SRGAP3: variants seen among roughly 807,000 people sequenced by gnomAD.
SRGAP3 encodes SLIT-ROBO Rho GTPase-activating protein 3.
In SRGAP3, 39 loss-of-function variants were observed where a neutral mutation model predicts 121.1. That is an observed-to-expected ratio of 0.32 (90% CI 0.25 to 0.42). The LOEUF (loss-of-function observed/expected upper bound fraction) is 0.42. Among genes scored for constraint, SRGAP3 ranks in the 10% least tolerant of loss-of-function variants. The pLI is 1.00. For synonymous variants in SRGAP3, 601 were observed against 570.0 expected, an observed-to-expected ratio of 1.05 and a Z score of -0.77; for missense variants, 1,213 against 1,470.6, an observed-to-expected ratio of 0.82 and a Z score of 2.86.
Position 9,318,102 on chromosome 3 carries a change from G to C in SRGAP3, n.442+7908C>G, listed in dbSNP as rs183188007. 1.3e-3 allele frequency among the ~76,000 whole-genome samples: 205 copies of C among 152,198 alleles called. 2 individuals are homozygous for C. The South Asian group carries it at 0.025, about 19-fold the overall frequency. ...TTCCCACTTTCAGGGAATGCCTCCA[G>C]GTTCTCGGTGTTTATGGAGAATCAT... On this transcript the variant is annotated intron_variant and non_coding_transcript_variant, in intron 3 of 3. Coordinates refer to the SRGAP3 transcript ENST00000490889.
At chr3:9,104,905 C>T (rs920328853) in intron 2 of SRGAP3, 63 bp from the exon 3 acceptor site, 1 of 1,599,032 alleles carries the variant, frequency 6.3e-7, no homozygotes, top group Admixed American at 1.7e-5. Context: ...GTGGTTTATG[C>T]TGTCACCCAC....
intron 21 of SRGAP3, 128 bp from the exon 22 acceptor site, chr3:8,986,060 C>T (rs1399909916): frequency 1.4e-5 from 22 of 1,533,214 alleles, no homozygotes; most frequent in Non-Finnish European, 1.9e-5. Context: ...GAGATTAAGT[C>T]CTCAGGATGT....
intron 1 of SRGAP3, among the ~76,000 whole-genome samples, chr3:9,138,935 C>CTGTTGGT (rs532583587): frequency 0.02 from 2,996 of 152,228 alleles, 90 homozygotes; most frequent in African/African-American, 0.065. Context: ...ATAAGGAATA[C>CTGTTGGT]TCAACCTGTA....
intron 3 of SRGAP3, among the ~76,000 whole-genome samples, chr3:9,269,903 A>AAAGG (rs201315120): frequency 0.012 from 1,813 of 151,708 alleles, 31 homozygotes; most frequent in African/African-American, 0.041. Flanking sequence ...GAGGAAGGGA[A>AAAGG]AAGGAAGGAA....
intron 1 of SRGAP3, among the ~76,000 whole-genome samples, chr3:9,179,271 C>T (rs999725571): frequency 8.5e-5 from 13 of 152,316 alleles, no homozygotes; most frequent in South Asian, 4.1e-4. Flanking sequence ...GGATGAGATG[C>T]GCAGGTACCA....
At chr3:9,247,563 T>C (rs1953868277) in intron 1 of SRGAP3, among the ~76,000 whole-genome samples, 1 of 152,178 alleles carries the variant, frequency 6.6e-6, no homozygotes, top group Non-Finnish European at 1.5e-5. Context: ...GTGCCCAGCC[T>C]TCCCGCTGCT....
chr3:9,169,686 T>G (rs994415617), intron 1 of SRGAP3, among the ~76,000 whole-genome samples: 1 of 152,220 alleles, frequency 6.6e-6, no homozygotes, highest in South Asian at 2.1e-4. Flanking sequence ...GGCCAACACC[T>G]TGTGAAGTTG....
chr3:9,172,063 T>C (rs898670476), intron 1 of SRGAP3, among the ~76,000 whole-genome samples: 1 of 151,686 alleles, frequency 6.6e-6, no homozygotes, highest in Non-Finnish European at 1.5e-5. Flanking sequence ...TTAGAATGGA[T>C]TAGGGCCTTT....
At chr3:9,290,188 T>C (rs1188539933) in intron 3 of SRGAP3, among the ~76,000 whole-genome samples, 1 of 152,318 alleles carries the variant, frequency 6.6e-6, no homozygotes, top group South Asian at 2.1e-4. Context: ...CTGCTTACCT[T>C]TCTTCATTTT....
At chr3:9,152,512 G>A (rs1056337215) in intron 1 of SRGAP3, among the ~76,000 whole-genome samples, 1 of 152,218 alleles carries the variant, frequency 6.6e-6, no homozygotes, top group Non-Finnish European at 1.5e-5. Context: ...GGCCACCTTG[G>A]GCCAAGTGCA....
chr3:9,026,893 T>C (rs1703128), intron 13 of SRGAP3, 42 bp downstream of exon 13: 321,982 of 1,605,074 alleles, frequency 0.2, 34,324 homozygotes, highest in Admixed American at 0.37. Context: ...CTAGCACCTG[T>C]TCTGCAGATT....
rs146660097 is a variant in SRGAP3, at chr3:9,055,885, T to TTTTGTTTG, written c.1125+340_1125+347dup. Among the ~76,000 whole-genome samples, 41 of 150,746 alleles carry TTTTGTTTG rather than the reference T, an allele frequency of 2.7e-4. 1 individual carries two copies. The East Asian group carries it at 5.9e-3, about 22-fold the overall frequency. ...ACATAGAGTCCTATTTCCTTTTGTG[T>TTTTGTTTG]TTTGTTTGTTTGTTTGTTTGTTTGT... On this transcript the variant is annotated intron_variant, in intron 8 of 21. Transcript: ENST00000383836.
intron 1 of SRGAP3, among the ~76,000 whole-genome samples, chr3:9,333,452 T>A (rs1407704617): frequency 6.6e-6 from 1 of 152,210 alleles, no homozygotes; most frequent in African/African-American, 2.4e-5. Context: ...GTTCCCTTTG[T>A]TGATTTCAAT....
At chr3:9,010,278 T>C in intron 18 of SRGAP3, 30 bp downstream of exon 18, 2 of 1,613,574 alleles carry the variant, frequency 1.2e-6, no homozygotes, top group Non-Finnish European at 8.5e-7. Context: ...CCAGGAAGAA[T>C]CCCTTGTCCC....
At chr3:9,269,993 G>A (rs920002038) in intron 3 of SRGAP3, among the ~76,000 whole-genome samples, 1 of 152,070 alleles carries the variant, frequency 6.6e-6, no homozygotes, top group Non-Finnish European at 1.5e-5. Context: ...AACATCTGGA[G>A]GGCTTCTTAA....
intron 3 of SRGAP3, among the ~76,000 whole-genome samples, chr3:9,088,972 A>G (rs1051570101): frequency 2.6e-5 from 4 of 152,124 alleles, no homozygotes; most frequent in Non-Finnish European, 5.9e-5. Flanking sequence ...GTTTATGACC[A>G]GACACTGGTG....
intron 2 of SRGAP3, among the ~76,000 whole-genome samples, chr3:9,115,025 G>A (rs1222205208): frequency 2.6e-5 from 4 of 152,196 alleles, no homozygotes; most frequent in African/African-American, 7.2e-5. Context: ...AGATGGACAC[G>A]GCTAGCACAG....
At chr3:9,101,530 G>A (rs534239228) in intron 3 of SRGAP3, among the ~76,000 whole-genome samples, 1 of 152,358 alleles carries the variant, frequency 6.6e-6, no homozygotes, top group Non-Finnish European at 1.5e-5. Flanking sequence ...TAGGTCTGGA[G>A]ATGCCAGGGG....
rs564034988 is a variant in SRGAP3 at position 9,178,770 on chromosome 3, C to T, written c.68-53853G>A. Among the ~76,000 whole-genome samples, 274 of 152,286 alleles carry T rather than the reference C, an allele frequency of 1.8e-3. 2 individuals carry two copies. Among genetic ancestry groups the T allele is most frequent in the South Asian group, 7.5e-3 (36 of 4,820 alleles). On this transcript the variant is annotated intron_variant, in intron 1 of 21. Transcript: ENST00000383836. ...TCCCAGTCCCTAGGGAGAAGCTGTGCCCCTCTTCTAACCTCAAGGCCCCAG... is the reference window on the plus strand; with the variant it reads ...TCCCAGTCCCTAGGGAGAAGCTGTGTCCCTCTTCTAACCTCAAGGCCCCAG...
Sources: allele counts gnomAD v4.1 joint callset (sites outside exome capture counted in the v4.1 genomes callset), GRCh38; gene constraint gnomAD v4.1.1; transcripts MANE v1.5; gene names NCBI Gene and HGNC (gene_info 2026-07-23, HGNC 2026-07-21).